Variants in PDGFD observed in about 807,000 individuals in gnomAD.
PDGFD encodes the protein platelet-derived growth factor D.
Under a neutral mutation model 44.7 loss-of-function variants are expected in PDGFD, and 30 were observed. The ratio of observed to expected loss-of-function variants is 0.67; its 90% CI spans 0.50 to 0.91. PDGFD has a LOEUF of 0.91. Ranked by LOEUF, PDGFD falls within the 40% of genes least tolerant of loss-of-function variation. PDGFD has a pLI of 0.00. For missense variants in PDGFD, 445 were observed against 457.8 expected (o/e 0.97, Z 0.25); for synonymous variants, 173 against 168.4 (o/e 1.03, Z -0.21).
chr11:104,125,066 T>C (rs994801086), intron 1 of PDGFD, among the ~76,000 whole-genome samples: 1 of 152,162 alleles, frequency 6.6e-6, no homozygotes, highest in African/African-American at 2.4e-5. Flanking sequence ...CCTTGGGCAC[T>C]CTTGTTAAGT....
In PDGFD at chr11:104,153,421, T is replaced by C. The variant is rs144159079; in HGVS notation, c.124+10383A>G. Among the ~76,000 whole-genome samples, 502 of 152,290 alleles carry C rather than the reference T, an allele frequency of 3.3e-3. 1 individual carries two copies. Among genetic ancestry groups the C allele is most frequent in the Non-Finnish European group, 4.5e-3 (307 of 68,014 alleles). ...AATCTATATCTGCAGATGTCAGATATGTAAATAAATGAGTAACATTGCAGG... is the reference window on the plus strand; with the variant it reads ...AATCTATATCTGCAGATGTCAGATACGTAAATAAATGAGTAACATTGCAGG... On this transcript the variant is annotated intron_variant, in intron 1 of 6. Transcript: ENST00000393158.
chr11:103,934,278 A>T (rs1380536648), intron 5 of PDGFD, among the ~76,000 whole-genome samples: 1 of 152,224 alleles, frequency 6.6e-6, no homozygotes, highest in African/African-American at 2.4e-5. Context: ...CTCAGTAGGT[A>T]TGCCCACATT....
At chr11:104,039,764 A>T (rs937385549) in intron 1 of PDGFD, among the ~76,000 whole-genome samples, 1 of 152,176 alleles carries the variant, frequency 6.6e-6, no homozygotes, top group Non-Finnish European at 1.5e-5. Context: ...TGATAAATTC[A>T]TGGATTATCT....
At chr11:104,017,979 C>A (rs993654575) in intron 1 of PDGFD, among the ~76,000 whole-genome samples, 1 of 151,870 alleles carries the variant, frequency 6.6e-6, no homozygotes, top group African/African-American at 2.4e-5. Context: ...CAGAGATTTT[C>A]AGATTAAAAA....
intron 4 of PDGFD, among the ~76,000 whole-genome samples, chr11:103,944,115 T>C (rs1207067684): frequency 6.6e-6 from 1 of 152,156 alleles, no homozygotes; most frequent in African/African-American, 2.4e-5. Context: ...GCATTGCAGA[T>C]GATGTGTGAG....
chr11:103,951,462 C>T (rs893700850), intron 3 of PDGFD, among the ~76,000 whole-genome samples: 2 of 152,176 alleles, frequency 1.3e-5, no homozygotes, highest in Non-Finnish European at 2.9e-5. Flanking sequence ...TCACTTCTGT[C>T]GTCTGCTTAA....
chr11:104,034,367 A>G (rs1173112998), intron 1 of PDGFD, among the ~76,000 whole-genome samples: 3 of 152,072 alleles, frequency 2.0e-5, no homozygotes, highest in African/African-American at 7.2e-5. Context: ...ATAAGCAAAT[A>G]TGAGTATAGA....
chr11:104,000,184 T>A lies in PDGFD; in HGVS notation c.196A>T (p.Ser66Cys). The part of the protein sequence containing the change: ...IQVKGNGYVQ[S>C]PRFPNSYPRN... ...GGGTAGCTGTTCGGGAATCTAGGAC[T>A]CTGCACGTAGCCGTTTCCTTTCACC... Residue 66 changes from serine to cysteine, a missense_variant, in exon 2 of 7, where the codon AGT (serine) becomes TGT (cysteine). Ser to Cys is a moderately radical substitution (Grantham distance 112). Coordinates refer to ENST00000393158, the MANE Select transcript of PDGFD (RefSeq NM_025208.5). The A allele has an allele frequency of 6.2e-7, 1 of 1,614,118 alleles. No individual in the cohort carries two copies. The highest frequency in any genetic ancestry group is 8.5e-7 in the Non-Finnish European group (1 of 1,180,006).
intron 3 of PDGFD, among the ~76,000 whole-genome samples, chr11:103,991,946 A>G (rs1186352022): frequency 6.6e-6 from 1 of 151,698 alleles, no homozygotes; most frequent in Non-Finnish European, 1.5e-5. Flanking sequence ...TACCGGGGGG[A>G]GCCTTGTAAT....
chr11:104,066,440 C>G (rs192725347), intron 1 of PDGFD, among the ~76,000 whole-genome samples: 15 of 152,170 alleles, frequency 9.9e-5, no homozygotes, highest in Admixed American at 3.9e-4. Flanking sequence ...GGCTTCATTA[C>G]TGTAAAATCT....
chr11:103,918,102 A>G (rs1858155722), intron 6 of PDGFD, among the ~76,000 whole-genome samples: 1 of 152,226 alleles, frequency 6.6e-6, no homozygotes, highest in Non-Finnish European at 1.5e-5. Context: ...ACTTGTCAGT[A>G]CAAAGTTGGC....
At chr11:104,113,201 A>G (rs1387211107) in intron 1 of PDGFD, among the ~76,000 whole-genome samples, 1 of 152,118 alleles carries the variant, frequency 6.6e-6, no homozygotes, top group Non-Finnish European at 1.5e-5. Context: ...GGTACTATCA[A>G]TTCATTTTTA....
intron 1 of PDGFD, among the ~76,000 whole-genome samples, chr11:104,094,302 G>A (rs1861252107): frequency 6.6e-6 from 1 of 151,892 alleles, no homozygotes; most frequent in Non-Finnish European, 1.5e-5. Context: ...GATCCTCAAA[G>A]TTGGAATTCC....
chr11:103,985,626 A>T (rs1188605746), intron 3 of PDGFD, among the ~76,000 whole-genome samples: 1 of 150,014 alleles, frequency 6.7e-6, no homozygotes, highest in African/African-American at 2.5e-5. Context: ...TGAGGTGACT[A>T]GGTTATCAGG....
chr11:104,057,833 A>G (rs1860646256), intron 1 of PDGFD, among the ~76,000 whole-genome samples: 1 of 152,244 alleles, frequency 6.6e-6, no homozygotes, highest in South Asian at 2.1e-4. Context: ...ATATACATCC[A>G]TAGAACACAA....
intron 1 of PDGFD, among the ~76,000 whole-genome samples, chr11:104,052,628 C>T (rs1860559921): frequency 6.6e-6 from 1 of 152,112 alleles, no homozygotes; most frequent in Non-Finnish European, 1.5e-5. Context: ...GTTTGCTTCT[C>T]TCCAATTGGG....
At chr11:104,102,783 A>G (rs1334934577) in intron 1 of PDGFD, among the ~76,000 whole-genome samples, 2 of 152,144 alleles carry the variant, frequency 1.3e-5, no homozygotes, top group African/African-American at 4.8e-5. Flanking sequence ...TTGTAGGGAC[A>G]TGGATGAAGC....
intron 3 of PDGFD, among the ~76,000 whole-genome samples, chr11:103,980,923 T>C (rs936580845): frequency 8.5e-5 from 13 of 152,144 alleles, no homozygotes; most frequent in African/African-American, 3.1e-4. Flanking sequence ...GAGAAATAAA[T>C]TTCTGTTGCC....
At chr11:104,111,761 G>C (rs1003684938) in intron 1 of PDGFD, among the ~76,000 whole-genome samples, 1 of 152,152 alleles carries the variant, frequency 6.6e-6, no homozygotes, top group Non-Finnish European at 1.5e-5. Context: ...TCTAAGTAGA[G>C]TAAATAAATG....
Sources: allele counts gnomAD v4.1 joint callset (sites outside exome capture counted in the v4.1 genomes callset), GRCh38; gene constraint gnomAD v4.1.1; transcripts MANE v1.5; gene names NCBI Gene and HGNC (gene_info 2026-07-23, HGNC 2026-07-21).